The following OR7A5 variants were observed in gnomAD, a reference collection of about 807,000 sequenced individuals.
OR7A5 encodes the protein olfactory receptor family 7 subfamily A member 5.
For synonymous variants in OR7A5, 140 were observed against 146.7 expected (o/e 0.95, Z 0.33); for missense variants, 319 against 377.9 (o/e 0.84, Z 1.29).
In OR7A5 at chr19:14,827,929, T is replaced by A; in HGVS notation, c.313A>T (p.Ile105Leu). 1 of 1,614,164 alleles carries A rather than the reference T, an allele frequency of 6.2e-7. No individual in the cohort carries two copies. The highest frequency in any genetic ancestry group is 1.1e-5 in the South Asian group (1 of 91,084). Residue 105 changes from isoleucine to leucine, a missense_variant, in exon 2 of 2, where the codon ATA (isoleucine) becomes TTA (leucine). By Grantham distance (5) the Ile-to-Leu change is conservative. Transcript: ENST00000322301. ...AAGTTTTCAAATCCAGCAAAGAGTA[T>A]GAAAAAATACATCTGCATGAGGCAG... is the stretch of plus-strand genomic sequence containing the variant. ...IACLMQMYFF[I>L]LFAGFENFLL...
chr19:14,833,463 G>C (rs1022171502), intron 1 of OR7A5, among the ~76,000 whole-genome samples: 1 of 152,172 alleles, frequency 6.6e-6, no homozygotes, highest in Admixed American at 6.5e-5. Flanking sequence ...TGGTTGACAG[G>C]GCGAGACTCC....
chr19:14,831,732 C>T (rs1027696051), intron 1 of OR7A5, among the ~76,000 whole-genome samples: 2 of 149,634 alleles, frequency 1.3e-5, no homozygotes, highest in African/African-American at 2.5e-5. Flanking sequence ...CGTGAGCCAC[C>T]GCGCCTGGCC....
At chr19:14,831,320 A>AT (rs1362998667) in intron 1 of OR7A5, among the ~76,000 whole-genome samples, 2 of 151,898 alleles carry the variant, frequency 1.3e-5, no homozygotes, top group African/African-American at 4.8e-5. Context: ...TAAAAGACTC[A>AT]TTTTTTTCTG....
chr19:14,834,462 A>G (rs1404075036), intron 1 of OR7A5, among the ~76,000 whole-genome samples: 1 of 152,238 alleles, frequency 6.6e-6, no homozygotes, highest in African/African-American at 2.4e-5. Context: ...AACAACACAC[A>G]AATATATTCA....
At position 14,827,169 on chromosome 19, in the gene OR7A5, A is replaced by G. The variant is rs2044775688; in HGVS notation, c.*113T>C. On this transcript the variant is annotated 3_prime_UTR_variant, in exon 2 of 2. Coordinates refer to ENST00000322301, the MANE Select transcript of OR7A5 (RefSeq NM_017506.2). ...ATTCTACAAGACCAGTTGAAATCAC[A>G]ACAAATTGAAACTCCCAGAAATATA... The G allele has an allele frequency of 8.7e-7, 1 of 1,147,652 alleles. No individual in the cohort carries two copies. The highest frequency in any genetic ancestry group is 1.2e-6 in the Non-Finnish European group (1 of 859,522). 71.1% of individuals were successfully genotyped at this position (1,147,652 alleles called of 1,614,324 possible).
At chr19:14,833,930 T>C (rs778360239) in intron 1 of OR7A5, among the ~76,000 whole-genome samples, 9 of 152,158 alleles carry the variant, frequency 5.9e-5, no homozygotes, top group Non-Finnish European at 7.3e-5. Flanking sequence ...TGTCATAATG[T>C]CTTGTGGAAA....
intron 1 of OR7A5, among the ~76,000 whole-genome samples, chr19:14,829,508 G>A (rs1284836484): frequency 4.6e-5 from 7 of 152,052 alleles, no homozygotes; most frequent in Admixed American, 6.6e-5. Context: ...TGGTTGGGAC[G>A]TGCTTCTTTC....
intron 1 of OR7A5, among the ~76,000 whole-genome samples, chr19:14,831,352 A>G (rs1291626220): frequency 6.6e-6 from 1 of 152,214 alleles, no homozygotes; most frequent in Non-Finnish European, 1.5e-5. Flanking sequence ...TATTTACTTG[A>G]TCAATTGGTT....
rs1308211063 is a variant in OR7A5, at chr19:14,828,170, T to A, written c.72A>T (p.Gln24His). The A allele has an allele frequency of 1.2e-6, 2 of 1,613,796 alleles. No individual in the cohort carries two copies. Among genetic ancestry groups the A allele is most frequent in the Non-Finnish European group, 1.7e-6 (2 of 1,179,972 alleles). The part of the protein sequence containing the change: ...LLGFSQEPGL[Q>H]PFLFGLFLSM... ...ACAGGAACAGCCCAAAGAGGAAGGG[T>A]TGCAGTCCAGGTTCTTGTGAAAATC... Residue 24 changes from glutamine (Q) to histidine (H), a missense_variant, in exon 2 of 2, where the codon CAA (glutamine) becomes CAT (histidine). Physicochemically the swap from Gln to His is conservative, Grantham distance 24 (BLOSUM62 0). Coordinates refer to ENST00000322301, the MANE Select transcript of OR7A5 (RefSeq NM_017506.2).
chr19:14,833,434 G>A (rs12976978), intron 1 of OR7A5, among the ~76,000 whole-genome samples: 3 of 152,252 alleles, frequency 2.0e-5, no homozygotes, highest in East Asian at 1.9e-4. Context: ...AGCCAAGATC[G>A]CACCACTGCA....
intron 1 of OR7A5, among the ~76,000 whole-genome samples, chr19:14,833,068 A>G (rs748068239): frequency 1.3e-5 from 2 of 152,234 alleles, no homozygotes; most frequent in African/African-American, 4.8e-5. Context: ...TTGTATTTCA[A>G]TTTAGTTAGA....
chr19:14,832,071 G>C (rs775586750), intron 1 of OR7A5, among the ~76,000 whole-genome samples: 5 of 151,988 alleles, frequency 3.3e-5, no homozygotes, highest in Non-Finnish European at 7.4e-5. Context: ...ACCATACCTA[G>C]CTAATTTTGT....
chr19:14,832,340 T>G (rs1442491071), intron 1 of OR7A5, among the ~76,000 whole-genome samples: 1 of 152,160 alleles, frequency 6.6e-6, no homozygotes, highest in Non-Finnish European at 1.5e-5. Context: ...TGAGCAGGGA[T>G]GTTACCATGG....
At chr19:14,834,779 T>A (rs2145090145) in intron 1 of OR7A5, among the ~76,000 whole-genome samples, 1 of 152,344 alleles carries the variant, frequency 6.6e-6, no homozygotes, top group Non-Finnish European at 1.5e-5. Context: ...AGATGTATGT[T>A]GTACTTTTAC....
intron 1 of OR7A5, among the ~76,000 whole-genome samples, chr19:14,834,456 A>T (rs1371287526): frequency 6.6e-6 from 1 of 152,212 alleles, no homozygotes; most frequent in African/African-American, 2.4e-5. Flanking sequence ...GGCCTAAACA[A>T]CACACAAATA....
Position 14,828,166 on chromosome 19 carries a change from AG to A in OR7A5, c.75del (p.Phe26SerfsTer57). ...ATGGACAGGAACAGCCCAAAGAGGA[AG>A]GGTTGCAGTCCAGGTTCTTGTGAAA... Reference protein sequence around the residue: ...LGFSQEPGLQPFLFGLFLSMY... With the variant: ...LGFSQEPGLQXFLFGLFLSMY... On this transcript the variant is annotated frameshift_variant, in exon 2 of 2. Coordinates refer to ENST00000322301, the MANE Select transcript of OR7A5 (RefSeq NM_017506.2). LOFTEE classifies it low-confidence loss of function (END_TRUNC). The A allele has an allele frequency of 6.2e-7, 1 of 1,614,138 alleles. No homozygotes were observed. The highest frequency in any genetic ancestry group is 8.5e-7 in the Non-Finnish European group (1 of 1,179,998).
At chr19:14,831,302 T>C (rs1393101940) in intron 1 of OR7A5, among the ~76,000 whole-genome samples, 1 of 152,228 alleles carries the variant, frequency 6.6e-6, no homozygotes. Context: ...CATTTTTATA[T>C]GAAACAGTAA....
chr19:14,829,992 A>G (rs1376503894), intron 1 of OR7A5, among the ~76,000 whole-genome samples: 1 of 152,158 alleles, frequency 6.6e-6, no homozygotes, highest in African/African-American at 2.4e-5. Context: ...CCTCCCAAGT[A>G]GTTGGGACCA....
chr19:14,830,830 C>G (rs1051876342), intron 1 of OR7A5, among the ~76,000 whole-genome samples: 2 of 152,122 alleles, frequency 1.3e-5, no homozygotes, highest in Non-Finnish European at 2.9e-5. Flanking sequence ...GTCCAGGACA[C>G]ACAACCCTCG....
Sources: gnomAD v4.1 joint callset for allele counts (sites outside exome capture counted in the v4.1 genomes callset) on GRCh38, gnomAD v4.1.1 for gene constraint, MANE v1.5 for transcripts, NCBI Gene and HGNC (gene_info 2026-07-23, HGNC 2026-07-21) for gene names.